Variants in SLC28A3 observed in about 807,000 individuals in gnomAD.
SLC28A3 encodes concentrative Na(+)-nucleoside cotransporter 3.
In SLC28A3, 68 loss-of-function variants were observed where a neutral mutation model predicts 84.2. That is an observed-to-expected ratio of 0.81 (90% CI 0.66 to 0.99). The LOEUF is 0.99. Ranked by LOEUF, SLC28A3 falls within the 50% of genes least tolerant of loss-of-function variation. The probability of loss-of-function intolerance (pLI) is 0.00; values close to 1 mark genes in which losing one functional copy is unlikely to be tolerated. For missense variants in SLC28A3, 712 were observed against 841.5 expected (o/e 0.85, Z 1.90); for synonymous variants, 267 against 303.6 (o/e 0.88, Z 1.25).
chr9:84,342,900 C>T (rs1564185505), upstream of SLC28A3, among the ~76,000 whole-genome samples: 1 of 152,010 alleles, frequency 6.6e-6, no homozygotes, highest in Non-Finnish European at 1.5e-5. Flanking sequence ...ACAGTGGCTC[C>T]CGCCTATAAT....
At position 84,288,037 on chromosome 9, in the gene SLC28A3, G is replaced by A; in HGVS notation, c.1280+11C>T. On this transcript the variant is annotated intron_variant, in intron 12 of 17. Transcript: ENST00000376238. ...GGGTAGTCATTAATTAGGTGAATGTGTCACACTTACCCACTTTCCATTTTC... is the reference window on the plus strand; with the variant it reads ...GGGTAGTCATTAATTAGGTGAATGTATCACACTTACCCACTTTCCATTTTC... 1 of 1,613,654 alleles carries A rather than the reference G, an allele frequency of 6.2e-7. No homozygotes were observed. Among genetic ancestry groups the A allele is most frequent in the Non-Finnish European group, 8.5e-7 (1 of 1,179,740 alleles).
chr9:84,323,426 A>ATT (rs398011264), intron 1 of SLC28A3, among the ~76,000 whole-genome samples: 19,453 of 141,118 alleles, frequency 0.14, 1,634 homozygotes, highest in African/African-American at 0.22. Flanking sequence ...TCAGTACATG[A>ATT]TTTTTTTTTT....
chr9:84,325,659 G>C (rs1354386594), intron 1 of SLC28A3, among the ~76,000 whole-genome samples: 4 of 152,102 alleles, frequency 2.6e-5, no homozygotes, highest in Non-Finnish European at 1.5e-5. Flanking sequence ...AAGAGTTTTG[G>C]CCCTCAGAGA....
intron 1 of SLC28A3, among the ~76,000 whole-genome samples, chr9:84,336,498 C>T (rs1170966055): frequency 6.6e-6 from 1 of 151,994 alleles, no homozygotes; most frequent in Non-Finnish European, 1.5e-5. Context: ...GGTGAGACTT[C>T]ATCTCTAAAA....
rs755258760 is a variant in SLC28A3, at chr9:84,280,908, T to C, written c.1648-26A>G. Reference sequence around the variant, plus strand: ...CTGTAAGCAAGCATAAACACATATGTATACACAATCTGAGCTGGCTTAACA... The same window carrying C: ...CTGTAAGCAAGCATAAACACATATGCATACACAATCTGAGCTGGCTTAACA... On this transcript the variant is annotated intron_variant, in intron 14 of 17. Coordinates refer to ENST00000376238, the MANE Select transcript of SLC28A3 (RefSeq NM_001199633.2). The C allele has an allele frequency of 6.2e-6, 10 of 1,609,252 alleles. No homozygotes were observed. In the South Asian group the frequency reaches 6.6e-5, roughly 11 times the overall value.
At chr9:84,326,170 A>C (rs1826541029) in intron 1 of SLC28A3, among the ~76,000 whole-genome samples, 1 of 151,682 alleles carries the variant, frequency 6.6e-6, no homozygotes, top group South Asian at 2.1e-4. Flanking sequence ...TTCCAGATAC[A>C]CTCACCTTTG....
At position 84,302,375 on chromosome 9, in the gene SLC28A3, C is replaced by A. The variant is rs1366413515; in HGVS notation, c.349G>T (p.Val117Leu). Residue 117 changes from valine to leucine, a missense_variant, in exon 5 of 18, where the codon GTG becomes TTG. By Grantham distance (32) the Val-to-Leu change is conservative. Transcript: ENST00000376238. ...AAGTTCAGCACACAGGCCGAAATCA[C>A]CATAACCAGATAACCTGTCCAGGAA... ...GILLAGYLVMVISACVLNFHR... is the reference protein window; with the variant it reads ...GILLAGYLVMLISACVLNFHR... The A allele has an allele frequency of 6.2e-7, 1 of 1,613,668 alleles. No individual in the cohort carries two copies. The highest frequency in any genetic ancestry group is 1.1e-5 in the South Asian group (1 of 91,044).
upstream of SLC28A3, among the ~76,000 whole-genome samples, chr9:84,345,443 A>T (rs1285993330): frequency 1.3e-5 from 2 of 152,248 alleles, no homozygotes; most frequent in Non-Finnish European, 2.9e-5. Context: ...AGACATCTTC[A>T]TTCTATCATT....
the SLC28A3 span, among the ~76,000 whole-genome samples, chr9:84,365,505 T>C: frequency 6.6e-6 from 1 of 152,330 alleles, no homozygotes; most frequent in Non-Finnish European, 1.5e-5. Context: ...TTTAAGTTGA[T>C]ATAACCCCAT....
At chr9:84,352,177 T>C in the SLC28A3 span, among the ~76,000 whole-genome samples, 1 of 152,134 alleles carries the variant, frequency 6.6e-6, no homozygotes, top group African/African-American at 2.4e-5. Flanking sequence ...TAAGTACAGA[T>C]TCCAAAAAAT....
the SLC28A3 span, among the ~76,000 whole-genome samples, chr9:84,349,532 C>T: frequency 2.2e-4 from 34 of 152,290 alleles, 1 homozygote; most frequent in Non-Finnish European, 4.4e-4. Flanking sequence ...CCACCACGTC[C>T]GGCTTACTTG....
the SLC28A3 span, among the ~76,000 whole-genome samples, chr9:84,365,109 A>G: frequency 6.6e-6 from 1 of 152,188 alleles, no homozygotes; most frequent in African/African-American, 2.4e-5. Flanking sequence ...TATTCTCCAG[A>G]GTGTCTGTAC....
At chr9:84,348,979 C>T in the SLC28A3 span, among the ~76,000 whole-genome samples, 1 of 151,262 alleles carries the variant, frequency 6.6e-6, no homozygotes, top group Non-Finnish European at 1.5e-5. Flanking sequence ...GCGATCTCGG[C>T]TCACTGCAAC....
intron 8 of SLC28A3, among the ~76,000 whole-genome samples, chr9:84,295,910 A>T (rs1275635278): frequency 2.1e-4 from 32 of 152,232 alleles, no homozygotes. Flanking sequence ...TTGTGCCAGT[A>T]TTCAGAGCTC....
intron 1 of SLC28A3, among the ~76,000 whole-genome samples, chr9:84,315,454 T>C (rs555624367): frequency 8.4e-4 from 127 of 151,860 alleles, no homozygotes; most frequent in African/African-American, 2.9e-3. Context: ...TGATTCCTCC[T>C]GCCACCTGGT....
upstream of SLC28A3, among the ~76,000 whole-genome samples, chr9:84,342,690 G>C (rs1400809611): frequency 6.6e-6 from 1 of 151,852 alleles, no homozygotes; most frequent in Non-Finnish European, 1.5e-5. Context: ...CAAAAGTGCT[G>C]GGATTACAGG....
At chr9:84,321,397 CTT>C (rs1826369054) in intron 1 of SLC28A3, among the ~76,000 whole-genome samples, 1 of 151,916 alleles carries the variant, frequency 6.6e-6, no homozygotes. Context: ...AGTGGGAAGT[CTT>C]TTTCCTTTAG....
the SLC28A3 span, among the ~76,000 whole-genome samples, chr9:84,368,226 T>C: frequency 6.6e-6 from 1 of 152,178 alleles, no homozygotes; most frequent in Non-Finnish European, 1.5e-5. Context: ...AAACATATTG[T>C]TAACAAAGCA....
At chr9:84,297,327 A>G (rs11568380) in intron 7 of SLC28A3, 29 bp from the exon 8 acceptor site, 2 of 1,567,440 alleles carry the variant, frequency 1.3e-6, no homozygotes, top group Non-Finnish European at 8.7e-7. Context: ...AAGAGATTTC[A>G]TTCCAACCAC....
Sources: allele counts gnomAD v4.1 joint callset (sites outside exome capture counted in the v4.1 genomes callset), GRCh38; gene constraint gnomAD v4.1.1; transcripts MANE v1.5; gene names NCBI Gene and HGNC (gene_info 2026-07-23, HGNC 2026-07-21).